Variants in SPSB4 observed in about 807,000 individuals in gnomAD.
SPSB4 encodes the protein splA/ryanodine receptor domain and SOCS box containing 4, also known as SPRY domain-containing SOCS box protein 4.
A neutral mutation model predicts 20.9 loss-of-function variants in SPSB4; 21 were observed. The observed-to-expected ratio is 1.01, with a 90% CI of 0.71 to 1.45. The LOEUF is 1.45. Among genes scored for constraint, SPSB4 ranks in the 40% most tolerant of loss-of-function variants. The pLI, the probability that SPSB4 is intolerant of heterozygous loss-of-function variation, is 0.00. For synonymous variants in SPSB4, 207 were observed against 183.8 expected, an observed-to-expected ratio of 1.13 and a Z score of -1.02; for missense variants, 399 against 399.2, an observed-to-expected ratio of 1.00 and a Z score of 0.00.
intron 2 of SPSB4, among the ~76,000 whole-genome samples, chr3:141,093,043 GA>G (rs1035927815): frequency 2.6e-5 from 4 of 152,180 alleles, no homozygotes; most frequent in Non-Finnish European, 4.4e-5. Flanking sequence ...GTGGCTCTGG[GA>G]AGGGGGTGGC....
chr3:141,134,872 G>A (rs1472023026), intron 2 of SPSB4, among the ~76,000 whole-genome samples: 1 of 148,684 alleles, frequency 6.7e-6, no homozygotes, highest in Non-Finnish European at 1.5e-5. Flanking sequence ...TCTATCTTTT[G>A]GAATAGTTTC....
At chr3:141,072,763 A>C (rs980670970) in intron 2 of SPSB4, among the ~76,000 whole-genome samples, 3 of 152,230 alleles carry the variant, frequency 2.0e-5, no homozygotes, top group African/African-American at 7.2e-5. Flanking sequence ...ACAGATTTAA[A>C]TACTACCAAA....
At chr3:141,072,413 G>A (rs960800937) in intron 2 of SPSB4, among the ~76,000 whole-genome samples, 3 of 152,176 alleles carry the variant, frequency 2.0e-5, no homozygotes, top group Non-Finnish European at 4.4e-5. Flanking sequence ...GGAGGTGATT[G>A]GGCCGTGGCA....
intron 2 of SPSB4, among the ~76,000 whole-genome samples, chr3:141,088,696 T>G (rs764677886): frequency 1.3e-5 from 2 of 152,202 alleles, no homozygotes; most frequent in Non-Finnish European, 2.9e-5. Flanking sequence ...CTGAGGTCCA[T>G]CCTACATAGA....
At chr3:141,110,566 TG>T (rs1938780366) in intron 2 of SPSB4, among the ~76,000 whole-genome samples, 1 of 152,230 alleles carries the variant, frequency 6.6e-6, no homozygotes, top group African/African-American at 2.4e-5. Flanking sequence ...AACAAAGGTT[TG>T]TTTTTGCCCA....
At chr3:141,121,584 C>T (rs577461512) in intron 2 of SPSB4, among the ~76,000 whole-genome samples, 46 of 152,296 alleles carry the variant, frequency 3.0e-4, no homozygotes, top group African/African-American at 6.5e-4. Flanking sequence ...CACATAGTTC[C>T]ACATTTCTTG....
At chr3:141,140,531 G>A (rs191210116) in intron 2 of SPSB4, among the ~76,000 whole-genome samples, 5 of 152,300 alleles carry the variant, frequency 3.3e-5, no homozygotes, top group African/African-American at 9.6e-5. Flanking sequence ...CTTTCTCTTT[G>A]TTAGTTTTCC....
chr3:141,140,338 A>G (rs1432541269), intron 2 of SPSB4, among the ~76,000 whole-genome samples: 1 of 152,170 alleles, frequency 6.6e-6, no homozygotes, highest in African/African-American at 2.4e-5. Flanking sequence ...TCAACTCGTC[A>G]AAGTCATTCT....
chr3:141,098,851 T>C (rs1035767186), intron 2 of SPSB4, among the ~76,000 whole-genome samples: 5 of 152,222 alleles, frequency 3.3e-5, no homozygotes. Flanking sequence ...GACTGGGTAA[T>C]TTATAAAGAC....
chr3:141,140,094 T>C (rs1264171560), intron 2 of SPSB4, among the ~76,000 whole-genome samples: 1 of 152,214 alleles, frequency 6.6e-6, no homozygotes, highest in Non-Finnish European at 1.5e-5. Flanking sequence ...TCATCTTCCA[T>C]CGCTGATACC....
At chr3:141,085,568 C>T (rs1938323892) in intron 2 of SPSB4, among the ~76,000 whole-genome samples, 1 of 152,360 alleles carries the variant, frequency 6.6e-6, no homozygotes, top group East Asian at 1.9e-4. Context: ...AAATGCCTTA[C>T]TATGCTTCTG....
intron 2 of SPSB4, among the ~76,000 whole-genome samples, chr3:141,105,698 C>G (rs1030281326): frequency 6.6e-6 from 1 of 152,168 alleles, no homozygotes; most frequent in Non-Finnish European, 1.5e-5. Flanking sequence ...TCTCCACTCC[C>G]TCATTGACAG....
chr3:141,125,087 C>T (rs759437876), intron 2 of SPSB4, among the ~76,000 whole-genome samples: 5 of 152,098 alleles, frequency 3.3e-5, no homozygotes, highest in Non-Finnish European at 5.9e-5. Flanking sequence ...TTCATTTCCC[C>T]CCACAAGAAA....
intron 1 of SPSB4, among the ~76,000 whole-genome samples, chr3:141,054,261 G>A (rs73234855): frequency 0.02 from 3,107 of 152,156 alleles, 45 homozygotes; most frequent in Non-Finnish European, 0.032. Flanking sequence ...AGGAGTGAAG[G>A]GTCTTGGGCA....
intron 2 of SPSB4, among the ~76,000 whole-genome samples, chr3:141,090,197 T>C (rs890850627): frequency 6.6e-6 from 1 of 152,208 alleles, no homozygotes; most frequent in Admixed American, 6.5e-5. Flanking sequence ...AGAAAGTCCA[T>C]TTTTAAATTA....
Position 141,147,143 on chromosome 3 carries a change from C to T in SPSB4, c.696C>T (p.Pro232=), listed in dbSNP as rs776102779. 127 of 1,613,760 alleles carry T rather than the reference C, an allele frequency of 7.9e-5. 1 individual carries two copies. The highest frequency in any genetic ancestry group is 9.7e-5 in the Non-Finnish European group (114 of 1,180,010). The stretch of plus-strand genomic sequence containing the variant: ...CTAACTGCTTCCCTCTCATTGCAGC[C>T]GAGCCCCTGCCACTGATGGACCTGT... The part of the protein sequence containing the change: ...VTMRYINGLD[P]EPLPLMDLCR... Residue 232 remains proline, a splice_region_variant and synonymous_variant, in exon 3 of 3, where the codon CCC becomes CCT. Coordinates refer to ENST00000310546, the MANE Select transcript of SPSB4 (RefSeq NM_080862.3).
At chr3:141,055,660 G>A (rs74931444) in intron 1 of SPSB4, among the ~76,000 whole-genome samples, 2,417 of 152,302 alleles carry the variant, frequency 0.016, 60 homozygotes, top group African/African-American at 0.055. Flanking sequence ...GGGGTTGAGT[G>A]GTGGGGACCA....
intron 2 of SPSB4, among the ~76,000 whole-genome samples, chr3:141,134,057 T>C (rs1359149460): frequency 1.6e-5 from 1 of 64,090 alleles, no homozygotes; most frequent in African/African-American, 9.0e-5. Flanking sequence ...TTCTTTTTTC[T>C]TTTTTTTTTT....
At chr3:141,105,855 C>T (rs1007310055) in intron 2 of SPSB4, among the ~76,000 whole-genome samples, 5 of 152,218 alleles carry the variant, frequency 3.3e-5, no homozygotes, top group African/African-American at 1.2e-4. Context: ...ATCTCCCTTT[C>T]CTGGTAAACT....
Sources: gnomAD v4.1 joint callset for allele counts (sites outside exome capture counted in the v4.1 genomes callset) on GRCh38, gnomAD v4.1.1 for gene constraint, MANE v1.5 for transcripts, NCBI Gene and HGNC (gene_info 2026-07-23, HGNC 2026-07-21) for gene names.